Variants in RBKS observed in about 807,000 individuals in gnomAD.
RBKS encodes the protein ribokinase.
RBKS carries 33 observed loss-of-function variants against 33.9 expected under a neutral mutation model. The observed-to-expected ratio is 0.97, with a 90% CI of 0.74 to 1.30. RBKS has a LOEUF of 1.30. Among genes scored for constraint, RBKS ranks in the 50% most tolerant of loss-of-function variants. The pLI, the probability that RBKS is intolerant of heterozygous loss-of-function variation, is 0.00. For missense variants in RBKS, 361 were observed against 392.6 expected, an observed-to-expected ratio of 0.92 and a Z score of 0.68; for synonymous variants, 125 against 143.0, an observed-to-expected ratio of 0.87 and a Z score of 0.90.
At chr2:27,807,029 T>G (rs1288187256) in intron 7 of RBKS, among the ~76,000 whole-genome samples, 1 of 152,200 alleles carries the variant, frequency 6.6e-6, no homozygotes, top group Admixed American at 6.5e-5. Flanking sequence ...GCTAGGGAAC[T>G]CCACCATTGG....
At position 27,827,712 on chromosome 2, in the gene RBKS, G is replaced by T. The variant is rs1251007342; in HGVS notation, c.650C>A (p.Ala217Asp). 9 of 1,612,116 alleles carry T rather than the reference G, an allele frequency of 5.6e-6. No homozygotes were observed. The highest frequency in any genetic ancestry group is 7.6e-6 in the Non-Finnish European group (9 of 1,179,282). Residue 217 changes from alanine (A) to aspartate (D), a missense_variant, in exon 7 of 8, where the codon GCT (alanine) becomes GAT (aspartate). Transcript: ENST00000302188. ...TGLTVGSAAD[A>D]GEAALVLLKR... ...CAAGAGCACTAATGCAGCCTCCCCA[G>T]CATCTGCAGCGCTGCCCACCGTGAG...
In RBKS at chr2:27,790,094, T is replaced by G. The variant is rs72808094; in HGVS notation, c.796-8306A>C. Among the ~76,000 whole-genome samples, 1,349 of 151,244 alleles carry G rather than the reference T, an allele frequency of 8.9e-3. 15 individuals carry two copies. Among genetic ancestry groups the G allele is most frequent in the South Asian group, 0.05 (239 of 4,768 alleles). Reference sequence around the variant, plus strand: ...ATCTACCTGCCTTGGCCTCTTGAAGTGCTGAGATTACAAGTGTGATTACAG... The same window carrying G: ...ATCTACCTGCCTTGGCCTCTTGAAGGGCTGAGATTACAAGTGTGATTACAG... On this transcript the variant is annotated intron_variant, in intron 7 of 7. Coordinates refer to ENST00000302188, the MANE Select transcript of RBKS (RefSeq NM_022128.3).
intron 7 of RBKS, among the ~76,000 whole-genome samples, chr2:27,801,470 C>G: frequency 1.5e-5 from 2 of 136,826 alleles, no homozygotes; most frequent in African/African-American, 5.9e-5. Flanking sequence ...AGTATACACA[C>G]ACACACACAC....
chr2:27,820,249 T>A (rs1678173345), intron 7 of RBKS, among the ~76,000 whole-genome samples: 1 of 151,926 alleles, frequency 6.6e-6, no homozygotes, highest in Non-Finnish European at 1.5e-5. Context: ...TAGACAGAAG[T>A]CCCCCTTTAT....
At chr2:27,872,198 C>A (rs750625615) in intron 1 of RBKS, among the ~76,000 whole-genome samples, 4 of 152,168 alleles carry the variant, frequency 2.6e-5, no homozygotes, top group Admixed American at 6.5e-5. Context: ...GGGACCCCTG[C>A]TCTACAGGCT....
At chr2:27,869,773 T>C in intron 1 of RBKS, 1 of 170,722 alleles carries the variant, frequency 5.9e-6, no homozygotes, top group Non-Finnish European at 1.2e-5. Context: ...CAGTGATACC[T>C]GAAGTGTGTT....
intron 1 of RBKS, among the ~76,000 whole-genome samples, chr2:27,879,723 A>G (rs1158651430): frequency 1.3e-5 from 2 of 152,192 alleles, no homozygotes; most frequent in Non-Finnish European, 2.9e-5. Context: ...CTATGCACAC[A>G]AACTAGAAAA....
At chr2:27,854,089 C>T (rs1172121610) in intron 2 of RBKS, among the ~76,000 whole-genome samples, 1 of 152,192 alleles carries the variant, frequency 6.6e-6, no homozygotes, top group Non-Finnish European at 1.5e-5. Context: ...CGTGGAGAAG[C>T]ACTGGCCTTG....
chr2:27,841,211 C>T (rs565384808), intron 5 of RBKS, among the ~76,000 whole-genome samples: 1 of 152,238 alleles, frequency 6.6e-6, no homozygotes, highest in African/African-American at 2.4e-5. Flanking sequence ...TTACTCTATT[C>T]TCACCTGTGA....
chr2:27,847,096 A>G lies in RBKS; in HGVS notation c.295T>C (p.Tyr99His), dbSNP rs761628490. The G allele has an allele frequency of 6.3e-7, 1 of 1,596,442 alleles. No individual in the cohort carries two copies. The highest frequency in any genetic ancestry group is 2.2e-5 in the East Asian group (1 of 44,686). ...KQNDISTEFT[Y>H]QTKDAATGTA... ...CCTGTAGCAGCATCTTTAGTCTGAT[A>G]TGTAAATTCTGAAAGAAAAAAGAAA... Residue 99 changes from tyrosine (Y) to histidine (H), a missense_variant, in exon 4 of 8, where the codon TAT (tyrosine) becomes CAT (histidine). By Grantham distance (83) the Tyr-to-His change is moderately conservative (BLOSUM62 2). Transcript: ENST00000302188.
chr2:27,828,679 T>C (rs1678364379), intron 6 of RBKS, among the ~76,000 whole-genome samples: 1 of 152,238 alleles, frequency 6.6e-6, no homozygotes, highest in South Asian at 2.1e-4. Flanking sequence ...TCCCAATTTC[T>C]CTTTCAATAT....
At chr2:27,809,790 C>T in intron 7 of RBKS, 1 of 441,616 alleles carries the variant, frequency 2.3e-6, no homozygotes, top group Non-Finnish European at 3.8e-6. Flanking sequence ...CTAAATAATA[C>T]AGAGCTACCA....
chr2:27,875,873 C>T (rs1439593570), intron 1 of RBKS, among the ~76,000 whole-genome samples: 1 of 151,932 alleles, frequency 6.6e-6, no homozygotes, highest in African/African-American at 2.4e-5. Context: ...TTAGACATGA[C>T]AGATATACAT....
At chr2:27,880,899 GAACTAGAAAAAAGTATTTTAA>G (rs1664404659) in intron 1 of RBKS, among the ~76,000 whole-genome samples, 1 of 152,018 alleles carries the variant, frequency 6.6e-6, no homozygotes, top group Non-Finnish European at 1.5e-5. Flanking sequence ...ATTCATCACA[GAACTAGAAAAAAGTATTTTAA>G]AATTCAAATG....
At chr2:27,854,748 T>C (rs2148217430) in intron 2 of RBKS, among the ~76,000 whole-genome samples, 1 of 151,908 alleles carries the variant, frequency 6.6e-6, no homozygotes, top group East Asian at 1.9e-4. Context: ...AAGTTGCTTT[T>C]TCTTTTTTTT....
In RBKS at chr2:27,789,986, TAG is replaced by T. The variant is rs368946256; in HGVS notation, c.796-8200_796-8199del. 3.5e-3 allele frequency among the ~76,000 whole-genome samples: 459 copies of T among 130,590 alleles called. 2 individuals carry two copies. The highest frequency in any genetic ancestry group is 0.019 in the South Asian group (80 of 4,146). 85.7% of individuals were successfully genotyped at this position (130,590 alleles called of 152,430 possible). The stretch of plus-strand genomic sequence containing the variant: ...ATATATATATATGTATATATATATG[TAG>T]AGAGAGAGAGAGAGAGAGAGAGAGA... On this transcript the variant is annotated intron_variant, in intron 7 of 7. Transcript: ENST00000302188.
intron 7 of RBKS, among the ~76,000 whole-genome samples, chr2:27,800,121 C>G (rs147697898): frequency 6.7e-6 from 1 of 148,558 alleles, no homozygotes; most frequent in African/African-American, 2.5e-5. Flanking sequence ...GGCGCGATCA[C>G]GGCTCACTGC....
In RBKS at chr2:27,890,261, C is replaced by G; in HGVS notation, c.85G>C (p.Val29Leu). The G allele has an allele frequency of 6.2e-7, 1 of 1,613,710 alleles. No homozygotes were observed. Among genetic ancestry groups the G allele is most frequent in the Non-Finnish European group, 8.5e-7 (1 of 1,179,946 alleles). Residue 29 changes from valine to leucine, a missense_variant, in exon 1 of 8, where the codon GTC becomes CTC. Val to Leu is a conservative substitution (Grantham distance 32). Coordinates refer to ENST00000302188, the MANE Select transcript of RBKS (RefSeq NM_022128.3). The surrounding 1 kb of genome is among the most constrained non-coding windows in gnomAD (Gnocchi z 4.8). ...AGTAACTGGCCCCGGACTAACCTGA[C>G]CAGGTCGGTCATGCAGGAGCCCACC... The part of the protein sequence containing the change: ...VVVGSCMTDL[V>L]SLTSRLPKTG...
At chr2:27,840,012 C>T (rs1663446706) in intron 5 of RBKS, among the ~76,000 whole-genome samples, 2 of 150,680 alleles carry the variant, frequency 1.3e-5, no homozygotes, top group South Asian at 2.1e-4. Context: ...CATTATACCA[C>T]TCTTCTTCTT....
Sources: gnomAD v4.1 joint callset for allele counts (sites outside exome capture counted in the v4.1 genomes callset) on GRCh38, gnomAD v4.1.1 for gene constraint, Gnocchi (gnomAD v3.1) non-coding constraint, MANE v1.5 for transcripts, NCBI Gene and HGNC (gene_info 2026-07-23, HGNC 2026-07-21) for gene names.